Variants in GNAI2 observed in about 807,000 individuals in gnomAD.
GNAI2 encodes the protein G protein subunit alpha i2.
A neutral mutation model predicts 36.8 loss-of-function variants in GNAI2; 4 were observed. The observed-to-expected ratio is 0.11, with a 90% CI of 0.05 to 0.25. The LOEUF (loss-of-function observed/expected upper bound fraction) is 0.25, where lower values mean the gene tolerates loss of function less well. Among genes scored for constraint, GNAI2 ranks in the 10% least tolerant of loss-of-function variants. The pLI is 1.00. For synonymous variants in GNAI2, 194 were observed against 194.1 expected (o/e 1.00, Z 0.01); for missense variants, 230 against 481.3 (o/e 0.48, Z 4.89).
At position 50,252,598 on chromosome 3, in the gene GNAI2, T is replaced by A; in HGVS notation, c.303+60T>A. On this transcript the variant is annotated intron_variant, in intron 3 of 8. Coordinates refer to ENST00000313601, the MANE Select transcript of GNAI2 (RefSeq NM_002070.4). The surrounding 1 kb of genome is among the most constrained non-coding windows in gnomAD (Gnocchi z 4.1). ...CAAAAGGTTTCGGGGTGGCTGGTTG[T>A]GGTGGCTCATGCCTATAAATCCCAG... The A allele has an allele frequency of 7.2e-7, 1 of 1,385,092 alleles. No individual in the cohort carries two copies. The highest frequency in any genetic ancestry group is 1.0e-6 in the Non-Finnish European group (1 of 992,294). The allele number at this position is 1,385,092 out of a possible 1,614,324, so 85.8% of individuals were successfully genotyped here.
At chr3:50,244,843 C>T (rs587612395) in intron 1 of GNAI2, among the ~76,000 whole-genome samples, 32 of 152,298 alleles carry the variant, frequency 2.1e-4, no homozygotes, top group Middle Eastern at 6.8e-3. Context: ...GCGTCCAAGC[C>T]TCTCTGGGCC....
At position 50,256,263 on chromosome 3, in the gene GNAI2, G is replaced by A. The variant is rs137853227; in HGVS notation, c.536G>A (p.Arg179His). ...IPTQQDVLRTRVKTTGIVETH... is the reference protein window; with the variant it reads ...IPTQQDVLRTHVKTTGIVETH... ...ACACAGCAAGATGTGCTACGGACCCGCGTAAAGACCACGGGGATCGTGGAG... is the reference window on the plus strand; with the variant it reads ...ACACAGCAAGATGTGCTACGGACCCACGTAAAGACCACGGGGATCGTGGAG... Residue 179 changes from arginine to histidine, a missense_variant, in exon 5 of 9, where the codon CGC becomes CAC. This residue lies in a region of GNAI2 where 132 missense variants were observed against 247.4 expected (regional missense o/e 0.53). Coordinates refer to ENST00000313601, the MANE Select transcript of GNAI2 (RefSeq NM_002070.4). The A allele has an allele frequency of 1.3e-6, 2 of 1,561,028 alleles. No individual in the cohort carries two copies. The highest frequency in any genetic ancestry group is 1.4e-5 in the African/African-American group (1 of 72,022).
Position 50,241,654 on chromosome 3 carries a change from CAG to C in GNAI2, c.118+5207_118+5208del, listed in dbSNP as rs1381127920. Among the ~76,000 whole-genome samples the C allele has an allele frequency of 6.6e-6, 1 of 152,160 alleles. No homozygotes were observed. On this transcript the variant is annotated intron_variant, in intron 1 of 8. Coordinates refer to ENST00000313601, the MANE Select transcript of GNAI2 (RefSeq NM_002070.4). The surrounding 1 kb of genome is among the most constrained non-coding windows in gnomAD (Gnocchi z 5.0). ...ACAGAGGGCAGAGCAGGTGTGAGGA[CAG>C]AGAGAATGAGCCGCGCTGCTGTGGC...
chr3:50,257,790 G>T, intron 8 of GNAI2, 76 bp downstream of exon 8: 2 of 649,192 alleles, frequency 3.1e-6, no homozygotes, highest in Non-Finnish European at 5.1e-6. Flanking sequence ...GGTTCTGGGG[G>T]TGGGTAGGGG....
Position 50,241,300 on chromosome 3 carries a change from T to C in GNAI2, c.118+4847T>C, listed in dbSNP as rs1353582420. Among the ~76,000 whole-genome samples, 1 of 152,144 alleles carries C rather than the reference T, an allele frequency of 6.6e-6. No homozygotes were observed. ...CACTTGAATGGGGGGCGGGGCGGCT[T>C]GGGCCTCTGAGTCTCTTCTTCCCAC... On this transcript the variant is annotated intron_variant, in intron 1 of 8. Coordinates refer to ENST00000313601, the MANE Select transcript of GNAI2 (RefSeq NM_002070.4). This position sits in a 1 kb window ranked among gnomAD's most constrained non-coding sequence, Gnocchi z 5.0.
chr3:50,236,080 C>T, upstream of GNAI2: 1 of 626,472 alleles, frequency 1.6e-6, no homozygotes, highest in Non-Finnish European at 2.1e-6. This position sits in a 1 kb window ranked among gnomAD's most constrained non-coding sequence, Gnocchi z 4.0. Flanking sequence ...CAATCAACAG[C>T]CTCTAATCTC....
rs1700436999 is a variant in GNAI2 at position 50,246,874 on chromosome 3, G to A, written c.119-5226G>A. On this transcript the variant is annotated intron_variant, in intron 1 of 8. Transcript: ENST00000313601. ...TACTGAAGGGAAGTGACGACACAGCGGAAAGCCAACAGAGGAGCCAGTAGC... is the reference window on the plus strand; with the variant it reads ...TACTGAAGGGAAGTGACGACACAGCAGAAAGCCAACAGAGGAGCCAGTAGC... The A allele has an allele frequency of 7.0e-6, 10 of 1,429,960 alleles. No individual in the cohort carries two copies. The South Asian group carries it at 1.5e-4, about 22-fold the overall frequency. 88.6% of individuals were successfully genotyped at this position (1,429,960 alleles called of 1,614,324 possible).
In GNAI2 at chr3:50,241,770, C is replaced by G. The variant is rs1197037955; in HGVS notation, c.118+5317C>G. 6.6e-6 allele frequency among the ~76,000 whole-genome samples: 1 copy of G among 152,210 alleles called. No homozygotes were observed. Among genetic ancestry groups the G allele is most frequent in the Non-Finnish European group, 1.5e-5 (1 of 68,028 alleles). ...TCACACCACCCACTATGTGTCAGAG[C>G]CTAGGCTGCTGGATGGGGCCTGGGG... On this transcript the variant is annotated intron_variant, in intron 1 of 8. Transcript: ENST00000313601. This position sits in a 1 kb window ranked among gnomAD's most constrained non-coding sequence, Gnocchi z 5.0.
chr3:50,248,260 A>T (rs1700467872), intron 1 of GNAI2, among the ~76,000 whole-genome samples: 1 of 152,166 alleles, frequency 6.6e-6, no homozygotes, highest in African/African-American at 2.4e-5. Context: ...TTCAAAAAAA[A>T]AATCTGGACT....
At position 50,253,563 on chromosome 3, in the gene GNAI2, T is replaced by C. The variant is rs1164707510; in HGVS notation, c.464+379T>C. ...ATCGAGACCATCCTGGCTAACACGG[T>C]GAAACCCCGTCTCTACTAAAAATAC... On this transcript the variant is annotated intron_variant, in intron 4 of 8. Coordinates refer to ENST00000313601, the MANE Select transcript of GNAI2 (RefSeq NM_002070.4). The surrounding 1 kb of genome is among the most constrained non-coding windows in gnomAD (Gnocchi z 4.2). 6.6e-6 allele frequency among the ~76,000 whole-genome samples: 1 copy of C among 151,938 alleles called. No individual in the cohort carries two copies. The highest frequency in any genetic ancestry group is 1.5e-5 in the Non-Finnish European group (1 of 67,996).
At chr3:50,250,939 C>T (rs1559772649) in intron 1 of GNAI2, among the ~76,000 whole-genome samples, 1 of 151,926 alleles carries the variant, frequency 6.6e-6, no homozygotes, top group African/African-American at 2.4e-5. Flanking sequence ...CCTCCCGAGC[C>T]GCTGGGATTA....
intron 1 of GNAI2, among the ~76,000 whole-genome samples, chr3:50,250,698 G>T (rs1553702322): frequency 1.3e-5 from 2 of 152,164 alleles, no homozygotes; most frequent in African/African-American, 4.8e-5. Context: ...CAGCCAGGGA[G>T]TTGGGTGGCC....
In GNAI2 at chr3:50,247,019, T is replaced by C. The variant is rs1283963199; in HGVS notation, c.119-5081T>C. On this transcript the variant is annotated intron_variant, in intron 1 of 8. Coordinates refer to ENST00000313601, the MANE Select transcript of GNAI2 (RefSeq NM_002070.4). ...TCTTTATCTGAAAATCTTCAGAAGCTTTCCTTCAAATGAGATGACCACAGC... is the reference window on the plus strand; with the variant it reads ...TCTTTATCTGAAAATCTTCAGAAGCCTTCCTTCAAATGAGATGACCACAGC... The C allele has an allele frequency of 2.4e-6, 3 of 1,224,960 alleles. No individual in the cohort carries two copies. In the African/African-American group the frequency reaches 4.5e-5, roughly 18 times the overall value. The allele number at this position is 1,224,960 out of a possible 1,614,324, so 75.9% of individuals were successfully genotyped here.
intron 1 of GNAI2, among the ~76,000 whole-genome samples, chr3:50,248,240 G>A (rs926189919): frequency 6.6e-6 from 1 of 152,210 alleles, no homozygotes; most frequent in South Asian, 2.1e-4. Flanking sequence ...GCAACAGAGC[G>A]AGACTGTGTT....
At chr3:50,247,037 AC>A in intron 1 of GNAI2, 1 of 1,001,554 alleles carries the variant, frequency 1.0e-6, no homozygotes, top group Non-Finnish European at 1.5e-6. Flanking sequence ...AAATGAGATG[AC>A]CACAGCAGTC....
Position 50,242,994 on chromosome 3 carries a change from G to C in GNAI2, c.118+6541G>C, listed in dbSNP as rs1050125578. On this transcript the variant is annotated intron_variant, in intron 1 of 8. Transcript: ENST00000313601. The surrounding 1 kb of genome is among the most constrained non-coding windows in gnomAD (Gnocchi z 4.8). ...TCTCGGGGAAGTGGTGTCCACACCA[G>C]AGGAAAAGGAGGAAGCAGCTGGGGG... is the stretch of plus-strand genomic sequence containing the variant. 8.5e-5 allele frequency among the ~76,000 whole-genome samples: 13 copies of C among 152,250 alleles called. No individual in the cohort carries two copies. Among genetic ancestry groups the C allele is most frequent in the Admixed American group, 1.3e-4 (2 of 15,290 alleles).
intron 4 of GNAI2, among the ~76,000 whole-genome samples, chr3:50,254,172 C>T (rs1242307351): frequency 1.3e-5 from 2 of 152,128 alleles, no homozygotes; most frequent in Non-Finnish European, 2.9e-5. Context: ...TGAACTCCTT[C>T]CCTGTGGTAT....
chr3:50,240,379 TCC>T (rs1174688746), intron 1 of GNAI2, among the ~76,000 whole-genome samples: 1 of 152,174 alleles, frequency 6.6e-6, no homozygotes, highest in Non-Finnish European at 1.5e-5. Flanking sequence ...TGGCCTGTAT[TCC>T]CAAGAGCTTG....
In GNAI2 at chr3:50,257,660, G is replaced by T; in HGVS notation, c.1038G>T (p.Lys346Asn). ...ACGCCGTCACCGATGTCATCATCAA[G>T]AACAACCTGAAGGACTGCGGCCTCT... ...VFDAVTDVIIKNNLKDCGLF is the reference protein window; with the variant it reads ...VFDAVTDVIINNNLKDCGLF The change falls in exon 8 of 9, where the codon AAG (lysine) becomes AAT (asparagine). Residue 346 changes from lysine to asparagine, a missense_variant. Lys to Asn is a moderately conservative substitution (Grantham distance 94, BLOSUM62 0). Coordinates refer to ENST00000313601, the MANE Select transcript of GNAI2 (RefSeq NM_002070.4). 1 of 1,597,564 alleles carries T rather than the reference G, an allele frequency of 6.3e-7. No homozygotes were observed. Among genetic ancestry groups the T allele is most frequent in the Non-Finnish European group, 8.5e-7 (1 of 1,170,700 alleles).
Sources: allele counts gnomAD v4.1 joint callset (sites outside exome capture counted in the v4.1 genomes callset), GRCh38; gene constraint gnomAD v4.1.1; regional missense constraint gnomAD v4.1.1; non-coding constraint Gnocchi (gnomAD v3.1); transcripts MANE v1.5; gene names NCBI Gene and HGNC (gene_info 2026-07-23, HGNC 2026-07-21).